WDR83: variants seen among roughly 807,000 people sequenced by gnomAD.
WDR83 encodes WD repeat domain 83, also known as WD repeat domain-containing protein 83.
A neutral mutation model predicts 37.7 loss-of-function variants in WDR83; 37 were observed. The observed-to-expected ratio is 0.98, with a 90% CI of 0.76 to 1.29. The LOEUF is 1.29. WDR83 is among the 50% of genes most tolerant of loss of function. WDR83 has a pLI of 0.00. For synonymous variants in WDR83, 174 were observed against 181.1 expected, an observed-to-expected ratio of 0.96 and a Z score of 0.31; for missense variants, 445 against 414.4, an observed-to-expected ratio of 1.07 and a Z score of -0.64.
chr19:12,675,524 G>T lies in WDR83; in HGVS notation c.800G>T (p.Gly267Val). Residue 267 changes from glycine to valine, a missense_variant and splice_region_variant, in exon 11 of 11, where the codon GGT becomes GTT. Gly to Val is a moderately radical substitution (Grantham distance 109). Coordinates refer to ENST00000418543, the MANE Select transcript of WDR83 (RefSeq NM_001099737.3). ...CACTCCCTACCCCTCGCTCCACAGG[G>T]TGCGCTGGCTCTGGCCCTGCCTGTG... is the stretch of plus-strand genomic sequence containing the variant. The part of the protein sequence containing the change: ...GKVFFWDLVE[G>V]ALALALPVGS... The T allele has an allele frequency of 1.2e-6, 2 of 1,604,078 alleles. No homozygotes were observed. Among genetic ancestry groups the T allele is most frequent in the Non-Finnish European group, 8.5e-7 (1 of 1,179,916 alleles).
chr19:12,672,755 A>G, intron 7 of WDR83, 92 bp from the exon 8 acceptor site: 2 of 1,322,860 alleles, frequency 1.5e-6, no homozygotes, highest in Non-Finnish European at 2.1e-6. Context: ...TGTGCACTGG[A>G]AGAGCAGGCC....
At position 12,670,209 on chromosome 19, in the gene WDR83, G is replaced by C; in HGVS notation, c.254G>C (p.Gly85Ala). ...TTTGACAACAGTAGTCTCTGCTCCG[G>C]CGGCGGGGACAAGGCGGTGGTTCTG... ...GSFDNSSLCSGGGDKAVVLWD... is the reference protein window; with the variant it reads ...GSFDNSSLCSAGGDKAVVLWD... The change falls in exon 5 of 11, where the codon GGC (glycine) becomes GCC (alanine). Residue 85 changes from glycine to alanine, a missense_variant. Gly to Ala is a moderately conservative substitution (Grantham distance 60). Coordinates refer to ENST00000418543, the MANE Select transcript of WDR83 (RefSeq NM_001099737.3). The C allele has an allele frequency of 6.2e-7, 1 of 1,614,156 alleles. No individual in the cohort carries two copies. Among genetic ancestry groups the C allele is most frequent in the South Asian group, 1.1e-5 (1 of 91,084 alleles).
chr19:12,669,717 C>T lies in WDR83; in HGVS notation c.-36-38C>T. 15 of 1,428,734 alleles carry T rather than the reference C, an allele frequency of 1.0e-5. No individual in the cohort carries two copies. In the South Asian group the frequency reaches 2.0e-4, roughly 19 times the overall value. 88.5% of individuals were successfully genotyped at this position (1,428,734 alleles called of 1,614,324 possible). On this transcript the variant is annotated intron_variant, in intron 2 of 10. Transcript: ENST00000418543. ...GGAAGAACAATAATAAGGTTACACC[C>T]AAGCGTGGGTTTCTAAGGCGCGGAA...
At chr19:12,667,833 GA>G (rs767976413) in intron 1 of WDR83, among the ~76,000 whole-genome samples, 7,287 of 141,786 alleles carry the variant, frequency 0.051, 178 homozygotes, top group African/African-American at 0.081. Context: ...TCTTAAAAAG[GA>G]AAAAAAAAAA....
intron 7 of WDR83, chr19:12,672,589 C>T (rs2024455189): frequency 3.9e-6 from 2 of 508,460 alleles, no homozygotes; most frequent in African/African-American, 1.9e-5. Context: ...GCCTGAGCAA[C>T]AAGAGCAAAA....
At chr19:12,672,217 G>A (rs1037499516) in intron 7 of WDR83, 1 of 154,006 alleles carries the variant, frequency 6.5e-6, no homozygotes, top group Non-Finnish European at 1.4e-5. Context: ...TGGCTGTGGG[G>A]GGTGCAGGGA....
In WDR83 at chr19:12,670,753, G is replaced by A. The variant is rs754521454; in HGVS notation, c.438G>A (p.Val146=). 5.0e-6 allele frequency: 8 copies of A among 1,614,214 alleles called. No homozygotes were observed. Among genetic ancestry groups the A allele is most frequent in the South Asian group, 2.2e-5 (2 of 91,086 alleles). Residue 146 remains valine, a synonymous_variant, in exon 7 of 11, where the codon GTG becomes GTA. Transcript: ENST00000418543. ...WDCRSRRPEP[V]QTLDEARDGV... is the part of the protein sequence containing the mutation. Reference sequence around the variant, plus strand: ...GCCGCTCACGGAGGCCTGAGCCAGTGCAGACGCTGGATGAGGCCAGAGATG... The same window carrying A: ...GCCGCTCACGGAGGCCTGAGCCAGTACAGACGCTGGATGAGGCCAGAGATG...
chr19:12,673,360 A>T, intron 10 of WDR83, 44 bp downstream of exon 10: 1 of 1,428,240 alleles, frequency 7.0e-7, no homozygotes, highest in Non-Finnish European at 9.7e-7. Context: ...TGCCTGCCCC[A>T]TCTCAGCCCT....
intron 10 of WDR83, 95 bp downstream of exon 10, chr19:12,673,411 T>TTA: frequency 4.3e-5 from 4 of 92,818 alleles, no homozygotes; most frequent in Non-Finnish European, 5.6e-5. Flanking sequence ...GGCTAGGATC[T>TTA]TTTTTTTTTT....
intron 4 of WDR83, 36 bp from the exon 5 acceptor site, chr19:12,670,144 G>A (rs1217803225): frequency 5.0e-6 from 8 of 1,607,698 alleles, no homozygotes; most frequent in South Asian, 1.1e-5. Context: ...GCTGGGATCC[G>A]AGGTCGATGC....
chr19:12,673,542 T>C (rs1001871017), intron 10 of WDR83, among the ~76,000 whole-genome samples: 2 of 151,082 alleles, frequency 1.3e-5, no homozygotes, highest in Non-Finnish European at 2.9e-5. Context: ...CTCAGTCTCC[T>C]GAGTAGTTGG....
At position 12,669,906 on chromosome 19, in the gene WDR83, G is replaced by A. The variant is rs2024359942; in HGVS notation, c.103+13G>A. ...GTACGATTTAATGGTGAGCGCCTTC[G>A]TCTTCATTCCGGGTCCTCCTCCCGC... On this transcript the variant is annotated intron_variant, in intron 3 of 10. Transcript: ENST00000418543. 6.2e-7 allele frequency: 1 copy of A among 1,602,558 alleles called. No individual in the cohort carries two copies.
At chr19:12,668,699 A>C in intron 2 of WDR83, 72 bp downstream of exon 2, 126 of 1,147,940 alleles carry the variant, frequency 1.1e-4, no homozygotes, top group Non-Finnish European at 1.4e-4. Flanking sequence ...ACACCAGATC[A>C]TGCCCACTGA....
At chr19:12,669,015 G>T (rs752884467) in intron 2 of WDR83, 13 of 1,118,452 alleles carry the variant, frequency 1.2e-5, no homozygotes, top group Non-Finnish European at 1.6e-5. Flanking sequence ...ACTCCCGGCC[G>T]ATCTCAGGTC....
Position 12,673,287 on chromosome 19 carries a change from G to C in WDR83, c.769G>C (p.Gly257Arg). ...DTHVVSCSED[G>R]KVFFWDLVEG... ...ACATGTGGTCAGCTGTTCTGAGGAC[G>C]GGAAGGTGTTCTTCTGGGACCTGGT... is the stretch of plus-strand genomic sequence containing the variant. Residue 257 changes from glycine (G) to arginine (R), a missense_variant, in exon 10 of 11, where the codon GGG becomes CGG. By Grantham distance (125) the Gly-to-Arg change is moderately radical. Transcript: ENST00000418543. 1 of 1,613,990 alleles carries C rather than the reference G, an allele frequency of 6.2e-7. No homozygotes were observed. Among genetic ancestry groups the C allele is most frequent in the Non-Finnish European group, 8.5e-7 (1 of 1,179,980 alleles).
At chr19:12,672,727 G>T in intron 7 of WDR83, 120 bp from the exon 8 acceptor site, 1 of 1,055,704 alleles carries the variant, frequency 9.5e-7, no homozygotes, top group South Asian at 1.4e-5. Context: ...CAAGGCCAGA[G>T]CTTCAGAATT....
At chr19:12,669,188 C>A (rs1200684187) in intron 2 of WDR83, 1 of 1,614,020 alleles carries the variant, frequency 6.2e-7, no homozygotes, top group Non-Finnish European at 8.5e-7. Context: ...AGTCCGGCGT[C>A]GGGTCGTCCA....
At chr19:12,675,164 C>G (rs1412579884) in intron 10 of WDR83, among the ~76,000 whole-genome samples, 1 of 152,108 alleles carries the variant, frequency 6.6e-6, no homozygotes, top group East Asian at 1.9e-4. Flanking sequence ...TGGTGGCTCA[C>G]ACCTGTAGTC....
rs778241727 is a variant in WDR83 at position 12,671,815 on chromosome 19, A to G, written c.506+994A>G. Among the ~76,000 whole-genome samples, 3 of 151,886 alleles carry G rather than the reference A, an allele frequency of 2.0e-5. No individual in the cohort carries two copies. In the East Asian group the frequency reaches 5.8e-4, roughly 30 times the overall value. On this transcript the variant is annotated intron_variant, in intron 7 of 10. Coordinates refer to ENST00000418543, the MANE Select transcript of WDR83 (RefSeq NM_001099737.3). Reference sequence around the variant, plus strand: ...TAGGTTCAGGCGATTCTCCTGCCTCAGCCTCCCTAGTAGCTGGGACTACAG... The same window carrying G: ...TAGGTTCAGGCGATTCTCCTGCCTCGGCCTCCCTAGTAGCTGGGACTACAG...
Sources: gnomAD v4.1 joint callset for allele counts (sites outside exome capture counted in the v4.1 genomes callset) on GRCh38, gnomAD v4.1.1 for gene constraint, MANE v1.5 for transcripts, NCBI Gene and HGNC (gene_info 2026-07-23, HGNC 2026-07-21) for gene names.